The following RUNX2 variants were observed in gnomAD, a reference collection of about 807,000 sequenced individuals.
The protein encoded by RUNX2 is runt-related transcription factor 2.
RUNX2 carries 10 observed loss-of-function variants against 51.7 expected under a neutral mutation model. That is an observed-to-expected ratio of 0.19 (90% CI 0.12 to 0.33). RUNX2 has a LOEUF of 0.33. Among genes scored for constraint, RUNX2 ranks in the 10% least tolerant of loss-of-function variants. RUNX2 has a pLI of 1.00. For synonymous variants in RUNX2, 276 were observed against 273.6 expected (o/e 1.01, Z -0.09); for missense variants, 562 against 691.3 (o/e 0.81, Z 2.10).
intron 5 of RUNX2, among the ~76,000 whole-genome samples, chr6:45,478,992 G>A (rs1203262873): frequency 5.3e-5 from 8 of 152,048 alleles, no homozygotes; most frequent in Admixed American, 3.9e-4. Flanking sequence ...GGTTCAAGCT[G>A]TTCTCCTGCC....
intron 2 of RUNX2, among the ~76,000 whole-genome samples, chr6:45,399,349 C>CTTTTTTTTTTTTTTTTTTTTTTTTTT (rs398048486): frequency 5.2e-5 from 3 of 57,346 alleles, no homozygotes; most frequent in African/African-American, 5.9e-5. Context: ...CTTTTCTTTC[C>CTTTTTTTTTTTTTTTTTTTTTTTTTT]TTTTTTTTTT....
intron 5 of RUNX2, among the ~76,000 whole-genome samples, chr6:45,474,020 G>A (rs1799881395): frequency 6.6e-6 from 1 of 152,160 alleles, no homozygotes; most frequent in Admixed American, 6.5e-5. Flanking sequence ...AAATGATTTT[G>A]TCTTTAAAAG....
At chr6:45,471,447 CTTTT>C (rs779430509) in intron 5 of RUNX2, among the ~76,000 whole-genome samples, 2 of 139,250 alleles carry the variant, frequency 1.4e-5, no homozygotes, top group East Asian at 2.1e-4. Flanking sequence ...TTCTTTCTTT[CTTTT>C]TTTTTTTTTT....
At chr6:45,459,729 T>C (rs1309467027) in intron 5 of RUNX2, among the ~76,000 whole-genome samples, 1 of 152,110 alleles carries the variant, frequency 6.6e-6, no homozygotes, top group African/African-American at 2.4e-5. Flanking sequence ...ATATATATAA[T>C]ATGCAAATAT....
chr6:45,391,709 A>G (rs2150347257), intron 2 of RUNX2, among the ~76,000 whole-genome samples: 1 of 152,320 alleles, frequency 6.6e-6, no homozygotes, highest in South Asian at 2.1e-4. Flanking sequence ...AGGCAGCAGG[A>G]AAGAGAAGTG....
At chr6:45,532,928 C>T (rs1166037171) in intron 7 of RUNX2, among the ~76,000 whole-genome samples, 6 of 114,364 alleles carry the variant, frequency 5.2e-5, no homozygotes, top group Non-Finnish European at 1.8e-5. Flanking sequence ...TTTTTTTTCA[C>T]GGTCATCAAA....
chr6:45,361,037 T>C (rs1794159506), intron 2 of RUNX2, among the ~76,000 whole-genome samples: 1 of 152,058 alleles, frequency 6.6e-6, no homozygotes, highest in South Asian at 2.1e-4. Flanking sequence ...ACTCAGGAGA[T>C]GGGGGCAGGA....
intron 7 of RUNX2, among the ~76,000 whole-genome samples, chr6:45,543,804 C>T (rs10948238): frequency 0.46 from 69,036 of 151,660 alleles, 17,577 homozygotes; most frequent in African/African-American, 0.69. Flanking sequence ...GAAGCACAGA[C>T]ACAACCTTAT....
At chr6:45,337,268 T>C (rs1562976168) in intron 2 of RUNX2, among the ~76,000 whole-genome samples, 1 of 151,734 alleles carries the variant, frequency 6.6e-6, no homozygotes, top group Non-Finnish European at 1.5e-5. Context: ...ATACTTTCTT[T>C]AACCATAAGA....
intron 5 of RUNX2, among the ~76,000 whole-genome samples, chr6:45,480,840 C>T (rs1301466244): frequency 1.3e-5 from 2 of 152,184 alleles, no homozygotes; most frequent in Non-Finnish European, 2.9e-5. Context: ...AAATTCTCCG[C>T]CTCCTTTTTT....
intron 7 of RUNX2, among the ~76,000 whole-genome samples, chr6:45,522,086 A>AT (rs1375368411): frequency 6.6e-6 from 1 of 152,214 alleles, no homozygotes; most frequent in Non-Finnish European, 1.5e-5. Context: ...CATCTAATAC[A>AT]TTAGTAGTCC....
At chr6:45,338,925 C>A (rs568717760) in intron 2 of RUNX2, among the ~76,000 whole-genome samples, 24 of 151,960 alleles carry the variant, frequency 1.6e-4, no homozygotes, top group Non-Finnish European at 2.6e-4. Context: ...AAATTCTAGT[C>A]CTGAGCTGAA....
At chr6:45,407,646 A>C (rs993176808) in intron 2 of RUNX2, among the ~76,000 whole-genome samples, 2 of 151,250 alleles carry the variant, frequency 1.3e-5, no homozygotes, top group African/African-American at 4.9e-5. Flanking sequence ...GAACATGCCA[A>C]CCAAGCCCAG....
chr6:45,393,180 T>C (rs1305233154), intron 2 of RUNX2, among the ~76,000 whole-genome samples: 1 of 152,230 alleles, frequency 6.6e-6, no homozygotes, highest in African/African-American at 2.4e-5. Context: ...TCAAAATCTC[T>C]GCTATATCTG....
rs199898844 is a variant in RUNX2 at position 45,354,702 on chromosome 6, G to GA, written c.58+25927dup. 4.9e-4 allele frequency among the ~76,000 whole-genome samples: 74 copies of GA among 150,940 alleles called. No individual in the cohort carries two copies. In the East Asian group the frequency reaches 0.014, roughly 28 times the overall value. ...AGATCTCTAGACACATTTAAAAAAA[G>GA]AAAAAAAAAGTTTTAGGCCAGGTGT... On this transcript the variant is annotated intron_variant, in intron 2 of 8. Transcript: ENST00000647337.
chr6:45,455,922 G>A (rs1038494664), intron 5 of RUNX2, among the ~76,000 whole-genome samples: 2 of 152,052 alleles, frequency 1.3e-5, no homozygotes, highest in Non-Finnish European at 2.9e-5. Flanking sequence ...CATACTTTTA[G>A]TTTTTGATAA....
chr6:45,529,733 A>T (rs1263464498), intron 7 of RUNX2, among the ~76,000 whole-genome samples: 1 of 152,214 alleles, frequency 6.6e-6, no homozygotes, highest in African/African-American at 2.4e-5. Flanking sequence ...GCCCCTGGAA[A>T]AAAACAGTCA....
At chr6:45,390,698 T>A (rs1431191013) in intron 2 of RUNX2, among the ~76,000 whole-genome samples, 1 of 152,102 alleles carries the variant, frequency 6.6e-6, no homozygotes. Context: ...AAAAGAATTT[T>A]GGTTGTCATT....
intron 2 of RUNX2, among the ~76,000 whole-genome samples, chr6:45,334,685 T>C (rs1788199033): frequency 1.3e-5 from 2 of 151,174 alleles, no homozygotes; most frequent in Admixed American, 1.3e-4. Context: ...TTTTTATACA[T>C]GGCATATACA....
Sources: gnomAD v4.1 joint callset for allele counts (sites outside exome capture counted in the v4.1 genomes callset) on GRCh38, gnomAD v4.1.1 for gene constraint, MANE v1.5 for transcripts, NCBI Gene and HGNC (gene_info 2026-07-23, HGNC 2026-07-21) for gene names.